Variants in DCAF5 observed in about 807,000 individuals in gnomAD.
DCAF5 encodes the protein DDB1 and CUL4 associated factor 5, also known as DDB1- and CUL4-associated factor 5.
A neutral mutation model predicts 80.7 loss-of-function variants in DCAF5; 9 were observed. That is an observed-to-expected ratio of 0.11 (90% confidence interval 0.07 to 0.19). The LOEUF is 0.19. Among genes scored for constraint, DCAF5 ranks in the 10% least tolerant of loss-of-function variants. DCAF5 has a pLI of 1.00. For missense variants in DCAF5, 842 were observed against 1,205.7 expected (o/e 0.70, Z 4.47); for synonymous variants, 433 against 461.9 (o/e 0.94, Z 0.80).
rs1031892956 is a variant in DCAF5 at position 69,055,834 on chromosome 14, A to G, written c.1075-223T>C. Among the ~76,000 whole-genome samples the G allele has an allele frequency of 2.6e-5, 4 of 152,228 alleles. No homozygotes were observed. Among genetic ancestry groups the G allele is most frequent in the South Asian group, 2.1e-4 (1 of 4,836 alleles). On this transcript the variant is annotated intron_variant, in intron 8 of 8. Coordinates refer to ENST00000341516, the MANE Select transcript of DCAF5 (RefSeq NM_003861.3). The surrounding 1 kb of genome is among the most constrained non-coding windows in gnomAD (Gnocchi z 5.6). ...TCAGATGTGGGGAAATGCATGGTCT[A>G]GAACACAGTATTAGCCTAGTGTCAA...
At chr14:69,085,756 GA>G (rs2039293057) in intron 6 of DCAF5, among the ~76,000 whole-genome samples, 1 of 151,992 alleles carries the variant, frequency 6.6e-6, no homozygotes, top group Non-Finnish European at 1.5e-5. Context: ...TTACAAAACA[GA>G]AAGTCTGCCC....
chr14:69,125,269 A>G (rs570241516), intron 1 of DCAF5, among the ~76,000 whole-genome samples: 52 of 152,208 alleles, frequency 3.4e-4, no homozygotes, highest in African/African-American at 1.2e-3. Flanking sequence ...ATGTTAAGTA[A>G]GAATAAAGGG....
At chr14:69,106,008 G>C (rs375769199) in intron 5 of DCAF5, among the ~76,000 whole-genome samples, 1 of 141,530 alleles carries the variant, frequency 7.1e-6, no homozygotes. Context: ...GAAATACCCA[G>C]AATAGGTAAA....
chr14:69,131,284 A>C (rs774575079), intron 1 of DCAF5, among the ~76,000 whole-genome samples: 2 of 152,054 alleles, frequency 1.3e-5, no homozygotes, highest in Non-Finnish European at 2.9e-5. Context: ...TGTGAAGCCT[A>C]AAGGAAAATC....
At position 69,128,259 on chromosome 14, in the gene DCAF5, T is replaced by C. The variant is rs1172129552; in HGVS notation, c.215-5899A>G. On this transcript the variant is annotated intron_variant, in intron 1 of 8. Coordinates refer to ENST00000341516, the MANE Select transcript of DCAF5 (RefSeq NM_003861.3). ...CGGAGTGCAGTGGCATGATCTCAGCTCACTGCAGCCTCCACCTCCCAGGTT... is the reference window on the plus strand; with the variant it reads ...CGGAGTGCAGTGGCATGATCTCAGCCCACTGCAGCCTCCACCTCCCAGGTT... 4.6e-5 allele frequency among the ~76,000 whole-genome samples: 7 copies of C among 151,386 alleles called. No homozygotes were observed. The East Asian group carries it at 1.2e-3, about 25-fold the overall frequency.
rs2040633605 is a variant in DCAF5, at chr14:69,119,237, A to C, written c.359-7T>G. On this transcript the variant is annotated splice_region_variant and splice_polypyrimidine_tract_variant and intron_variant, in intron 2 of 8. Coordinates refer to ENST00000341516, the MANE Select transcript of DCAF5 (RefSeq NM_003861.3). ...ATAACTTGCTCATCATTGCCTGCAA[A>C]AGAAAAAAGCAGACATCTGATCATT... 6.2e-7 allele frequency: 1 copy of C among 1,613,334 alleles called. No individual in the cohort carries two copies. Among genetic ancestry groups the C allele is most frequent in the African/African-American group, 1.3e-5 (1 of 74,892 alleles).
chr14:69,122,202 A>C lies in DCAF5; in HGVS notation c.358+15T>G. The C allele has an allele frequency of 6.2e-7, 1 of 1,609,000 alleles. No individual in the cohort carries two copies. The highest frequency in any genetic ancestry group is 8.5e-7 in the Non-Finnish European group (1 of 1,175,808). ...AACCACAGTGACGTTCCCAAGGTAGAATCTCCCTTTTTACCTCCAGAGAAC... is the reference window on the plus strand; with the variant it reads ...AACCACAGTGACGTTCCCAAGGTAGCATCTCCCTTTTTACCTCCAGAGAAC... On this transcript the variant is annotated intron_variant, in intron 2 of 8. Coordinates refer to ENST00000341516, the MANE Select transcript of DCAF5 (RefSeq NM_003861.3).
chr14:69,103,503 C>T (rs1299877543), intron 5 of DCAF5, among the ~76,000 whole-genome samples: 1 of 152,160 alleles, frequency 6.6e-6, no homozygotes, highest in African/African-American at 2.4e-5. Context: ...ATCCTTTATC[C>T]AGCCTCTTCC....
intron 5 of DCAF5, among the ~76,000 whole-genome samples, chr14:69,095,024 T>C (rs866937595): frequency 2.4e-4 from 36 of 152,292 alleles, no homozygotes; most frequent in Middle Eastern, 6.8e-3. Flanking sequence ...AAGCTAACCA[T>C]ACAACATGGC....
intron 5 of DCAF5, among the ~76,000 whole-genome samples, chr14:69,108,037 A>C (rs901233859): frequency 9.2e-5 from 14 of 152,242 alleles, no homozygotes; most frequent in South Asian, 4.1e-4. Flanking sequence ...TCAAAGACAA[A>C]TACTGGCCTA....
At chr14:69,101,764 C>T (rs1204354496) in intron 5 of DCAF5, among the ~76,000 whole-genome samples, 1 of 152,146 alleles carries the variant, frequency 6.6e-6, no homozygotes, top group Non-Finnish European at 1.5e-5. Flanking sequence ...CAAACCTGTA[C>T]AGCATGTTAC....
intron 7 of DCAF5, among the ~76,000 whole-genome samples, chr14:69,063,447 A>C (rs1463611202): frequency 6.6e-6 from 1 of 152,242 alleles, no homozygotes; most frequent in Non-Finnish European, 1.5e-5. Context: ...AAACATGTGC[A>C]TTTGGCTAAC....
chr14:69,099,928 TA>T lies in DCAF5; in HGVS notation c.666-8042del, dbSNP rs539316232. Among the ~76,000 whole-genome samples the T allele has an allele frequency of 7.5e-3, 1,109 of 147,470 alleles. 17 individuals are homozygous for T. The highest frequency in any genetic ancestry group is 0.025 in the African/African-American group (1,009 of 40,266). ...ACTGTCTCAAAGAATAAAATAACATTAAAAAAAAAAGTTTCTGATATTTGCA... is the reference window on the plus strand; with the variant it reads ...ACTGTCTCAAAGAATAAAATAACATTAAAAAAAAAGTTTCTGATATTTGCA... On this transcript the variant is annotated intron_variant, in intron 5 of 8. Transcript: ENST00000341516.
chr14:69,098,824 C>T (rs1305963582), intron 5 of DCAF5, among the ~76,000 whole-genome samples: 2 of 127,156 alleles, frequency 1.6e-5, no homozygotes, highest in South Asian at 2.6e-4. Context: ...CATGAGGAGG[C>T]GGAGCTTGTA....
chr14:69,098,893 C>CAAAAAAAAAAAAAA (rs57089112), intron 5 of DCAF5, among the ~76,000 whole-genome samples: 20 of 59,570 alleles, frequency 3.4e-4, no homozygotes, highest in African/African-American at 4.9e-4. Context: ...ACTCTGTCTC[C>CAAAAAAAAAAAAAA]AAAAAAAAAA....
Position 69,129,716 on chromosome 14 carries a change from C to T in DCAF5, c.215-7356G>A, listed in dbSNP as rs1251021030. ...GCAGTTGGATGAGAATGGGGTCAGCCTCAGGAGAGGGACCCTAGCCCCAGC... is the reference window on the plus strand; with the variant it reads ...GCAGTTGGATGAGAATGGGGTCAGCTTCAGGAGAGGGACCCTAGCCCCAGC... On this transcript the variant is annotated intron_variant, in intron 1 of 8. Transcript: ENST00000341516. Among the ~76,000 whole-genome samples, 3 of 152,206 alleles carry T rather than the reference C, an allele frequency of 2.0e-5. No homozygotes were observed. The East Asian group carries it at 5.8e-4, about 29-fold the overall frequency.
rs1275419 is a variant in DCAF5 at position 69,152,456 on chromosome 14, A to C, written c.214+309T>G. On this transcript the variant is annotated intron_variant, in intron 1 of 8. Transcript: ENST00000341516. This position sits in a 1 kb window ranked among gnomAD's most constrained non-coding sequence, Gnocchi z 4.1. ...GGAAGAGTTTGCCGTCAAACTTTGT[A>C]GAGCGGTAACCTCGCCCCCCTCCCC... 215,601 of 271,158 alleles carry C rather than the reference A, an allele frequency of 0.8. 86,293 individuals carry two copies. The highest frequency in any genetic ancestry group is 0.99 in the East Asian group (13,064 of 13,136). The allele number at this position is 271,158 out of a possible 1,614,324, so 16.8% of individuals were successfully genotyped here.
chr14:69,116,251 A>T, intron 5 of DCAF5, 115 bp downstream of exon 5: 7 of 1,270,900 alleles, frequency 5.5e-6, no homozygotes, highest in Non-Finnish European at 7.6e-6. Context: ...TATCTTAAGA[A>T]ATGCCCAGCA....
chr14:69,116,607 C>G, intron 4 of DCAF5, 112 bp from the exon 5 acceptor site: 1 of 1,314,942 alleles, frequency 7.6e-7, no homozygotes. Context: ...ACCACTCCAA[C>G]GGCCTGGAGC....
Sources: allele counts gnomAD v4.1 joint callset (sites outside exome capture counted in the v4.1 genomes callset), GRCh38; gene constraint gnomAD v4.1.1; non-coding constraint Gnocchi (gnomAD v3.1); transcripts MANE v1.5; gene names NCBI Gene and HGNC (gene_info 2026-07-23, HGNC 2026-07-21).